ATF2: variants seen among roughly 807,000 people sequenced by gnomAD.
ATF2 encodes the protein activating transcription factor 2, also known as cyclic AMP-dependent transcription factor ATF-2.
ATF2 carries 24 observed loss-of-function variants against 60.6 expected under a neutral mutation model. The observed-to-expected ratio is 0.40, with a 90% CI of 0.29 to 0.56. ATF2 has a LOEUF of 0.56. Among genes scored for constraint, ATF2 ranks in the 20% least tolerant of loss-of-function variants. The pLI is 0.54. For missense variants in ATF2, 433 were observed against 607.7 expected (o/e 0.71, Z 3.02); for synonymous variants, 206 against 215.4 (o/e 0.96, Z 0.38).
chr2:175,084,841 T>C (rs1361005483), intron 12 of ATF2, among the ~76,000 whole-genome samples: 1 of 152,076 alleles, frequency 6.6e-6, no homozygotes, highest in Non-Finnish European at 1.5e-5. Context: ...GCAGAACATA[T>C]CTTTTCCTTG....
chr2:175,154,921 G>A (rs1699574089), intron 1 of ATF2, among the ~76,000 whole-genome samples: 1 of 152,184 alleles, frequency 6.6e-6, no homozygotes, highest in Non-Finnish European at 1.5e-5. Flanking sequence ...ATCCTCTCTT[G>A]GGCATGGCCT....
intron 6 of ATF2, 26 bp from the exon 7 acceptor site, chr2:175,118,144 G>T: frequency 6.2e-7 from 1 of 1,604,632 alleles, no homozygotes. Context: ...TAAGGAAAAG[G>T]TTATAAGTTC....
intron 1 of ATF2, among the ~76,000 whole-genome samples, chr2:175,152,408 A>C (rs1699369243): frequency 6.6e-6 from 1 of 152,186 alleles, no homozygotes; most frequent in Non-Finnish European, 1.5e-5. Flanking sequence ...AAAACTCAGA[A>C]ATGACTGCTC....
intron 13 of ATF2, among the ~76,000 whole-genome samples, chr2:175,075,286 C>T (rs1206535502): frequency 6.6e-6 from 1 of 152,128 alleles, no homozygotes; most frequent in East Asian, 1.9e-4. Context: ...AAATTATTCC[C>T]TCTGCATTCT....
intron 11 of ATF2, among the ~76,000 whole-genome samples, chr2:175,096,487 A>AT (rs1694945414): frequency 6.6e-6 from 1 of 152,206 alleles, no homozygotes; most frequent in East Asian, 1.9e-4. Context: ...TACAAGTGAG[A>AT]TAAGGTTACT....
At chr2:175,167,635 T>C (rs748268952) in intron 1 of ATF2, 3 of 495,682 alleles carry the variant, frequency 6.1e-6, no homozygotes, top group South Asian at 3.0e-5. Flanking sequence ...ACCCAAGGAC[T>C]GTGGGTGGGA....
intron 13 of ATF2, among the ~76,000 whole-genome samples, chr2:175,079,444 G>C (rs914132816): frequency 6.6e-6 from 1 of 152,006 alleles, no homozygotes; most frequent in Admixed American, 6.6e-5. Flanking sequence ...CCTCATCCCT[G>C]AAGCAATCAT....
intron 10 of ATF2, among the ~76,000 whole-genome samples, chr2:175,108,992 T>C (rs1356795205): frequency 6.6e-6 from 1 of 151,932 alleles, no homozygotes; most frequent in Non-Finnish European, 1.5e-5. Context: ...TTAAGAGTCA[T>C]CACCACTCCC....
chr2:175,088,929 C>T (rs554740624), intron 12 of ATF2, among the ~76,000 whole-genome samples: 1 of 152,250 alleles, frequency 6.6e-6, no homozygotes, highest in African/African-American at 2.4e-5. Context: ...TGCCTGTAAT[C>T]CCAGCACTTT....
At chr2:175,145,446 G>T (rs1166563240) in intron 2 of ATF2, among the ~76,000 whole-genome samples, 1 of 152,100 alleles carries the variant, frequency 6.6e-6, no homozygotes, top group African/African-American at 2.4e-5. Context: ...CTCCTGCTTT[G>T]CCTTCTGCCA....
chr2:175,117,901 A>C, intron 7 of ATF2, 89 bp downstream of exon 7: 1 of 1,366,834 alleles, frequency 7.3e-7, no homozygotes, highest in Non-Finnish European at 9.7e-7. Flanking sequence ...CACTGAATTT[A>C]ATACATTAAC....
chr2:175,114,167 A>C (rs770591994), intron 8 of ATF2, 59 bp from the exon 9 acceptor site: 79 of 1,516,262 alleles, frequency 5.2e-5, no homozygotes, highest in Non-Finnish European at 6.2e-5. Context: ...CTGTCTCTTA[A>C]AAATACAATA....
At chr2:175,099,988 C>T (rs1166919620) in intron 10 of ATF2, among the ~76,000 whole-genome samples, 1 of 152,224 alleles carries the variant, frequency 6.6e-6, no homozygotes, top group Admixed American at 6.5e-5. Context: ...CAGGATCTGG[C>T]ATGTTTTCTC....
rs542817234 is a variant in ATF2, at chr2:175,105,319, C to A, written c.828+6249G>T. ...AAGGGCATTAAAATCTGCCCCCCCC[C>A]CAAAAAAATATGAAATCAAAACCCA... On this transcript the variant is annotated intron_variant, in intron 10 of 13. Coordinates refer to ENST00000264110, the MANE Select transcript of ATF2 (RefSeq NM_001880.4). 5.1e-3 allele frequency among the ~76,000 whole-genome samples: 770 copies of A among 150,976 alleles called. 5 individuals are homozygous for A. The highest frequency in any genetic ancestry group is 0.017 in the African/African-American group (707 of 40,634).
intron 2 of ATF2, among the ~76,000 whole-genome samples, chr2:175,147,680 G>A (rs78910704): frequency 6.6e-6 from 1 of 151,998 alleles, no homozygotes; most frequent in African/African-American, 2.4e-5. Flanking sequence ...ATGTTACCAT[G>A]GTTTTTATGA....
At chr2:175,154,157 T>C (rs1699505435) in intron 1 of ATF2, among the ~76,000 whole-genome samples, 1 of 150,024 alleles carries the variant, frequency 6.7e-6, no homozygotes, top group Non-Finnish European at 1.5e-5. Flanking sequence ...GCGGTTGCAG[T>C]GAGCCAAGAT....
In ATF2 at chr2:175,136,495, C is replaced by A; in HGVS notation, c.-43-9G>T. The stretch of plus-strand genomic sequence containing the variant: ...TTCTCATGGCAAGAATACTGAAAAA[C>A]AAAGTGGTTTCACACTGTTAAAAAT... On this transcript the variant is annotated splice_polypyrimidine_tract_variant and intron_variant, in intron 2 of 13. Coordinates refer to ENST00000264110, the MANE Select transcript of ATF2 (RefSeq NM_001880.4). The A allele has an allele frequency of 6.5e-7, 1 of 1,535,626 alleles. No homozygotes were observed. The highest frequency in any genetic ancestry group is 9.0e-7 in the Non-Finnish European group (1 of 1,117,206).
rs527534957 is a variant in ATF2 at position 175,152,357 on chromosome 2, T to C, written c.-142-1199A>G. ...CATAAGAGCAAAGAAACAACCTAAA[T>C]TGTTGTAGTTTGGAAAGGTAAACTC... is the stretch of plus-strand genomic sequence containing the variant. On this transcript the variant is annotated intron_variant, in intron 1 of 13. Coordinates refer to ENST00000264110, the MANE Select transcript of ATF2 (RefSeq NM_001880.4). Among the ~76,000 whole-genome samples, 23 of 152,238 alleles carry C rather than the reference T, an allele frequency of 1.5e-4. No homozygotes were observed. In the South Asian group the frequency reaches 2.5e-3, roughly 16 times the overall value.
At chr2:175,112,312 AT>A (rs1696253072) in intron 9 of ATF2, among the ~76,000 whole-genome samples, 2 of 152,224 alleles carry the variant, frequency 1.3e-5, no homozygotes, top group African/African-American at 4.8e-5. Flanking sequence ...TCAAAAAAAT[AT>A]TCTCAGTAAA....
Sources: gnomAD v4.1 joint callset for allele counts (sites outside exome capture counted in the v4.1 genomes callset) on GRCh38, gnomAD v4.1.1 for gene constraint, MANE v1.5 for transcripts, NCBI Gene and HGNC (gene_info 2026-07-23, HGNC 2026-07-21) for gene names.